METTL27: variants seen among roughly 807,000 people sequenced by gnomAD.
The protein encoded by METTL27 is methyltransferase-like protein 27.
Under a neutral mutation model 24.5 loss-of-function variants are expected in METTL27, and 29 were observed. That is an observed-to-expected ratio of 1.18 (90% CI 0.88 to 1.61). The LOEUF is 1.61. Among genes scored for constraint, METTL27 ranks in the 40% most tolerant of loss-of-function variants. The pLI is 0.00. For synonymous variants in METTL27, 138 were observed against 146.8 expected (o/e 0.94, Z 0.43); for missense variants, 341 against 324.3 (o/e 1.05, Z -0.40).
chr7:73,841,204 GA>G lies in METTL27; in HGVS notation c.124-7del. 6.4e-7 allele frequency: 1 copy of G among 1,558,078 alleles called. No homozygotes were observed. Among genetic ancestry groups the G allele is most frequent in the African/African-American group, 1.4e-5 (1 of 70,672 alleles). On this transcript the variant is annotated splice_polypyrimidine_tract_variant and splice_region_variant and intron_variant, in intron 2 of 5. Coordinates refer to ENST00000297873, the MANE Select transcript of METTL27 (RefSeq NM_152559.3). ...TACAGCAGGGTGGCCACATCCTGGG[GA>G]AAGAGTGCCGGGCCTACAACACCGG...
Position 73,834,769 on chromosome 7 carries a change from C to T in METTL27, c.712G>A (p.Gly238Arg). 1.2e-6 allele frequency: 2 copies of T among 1,614,138 alleles called. No individual in the cohort carries two copies. The highest frequency in any genetic ancestry group is 1.7e-6 in the Non-Finnish European group (2 of 1,180,022). Residue 238 changes from glycine to arginine, a missense_variant, in exon 6 of 6, where the codon GGA becomes AGA. Gly to Arg is a moderately radical substitution (Grantham distance 125). Transcript: ENST00000297873. ...CACTTCCTCAACCTGGGTCGCCTTC[C>T]ACTTTCGGTACAGGTAGACAATGCC... ...SPALSTCTES[G>R]RRPRLRK
At chr7:73,835,303 C>A (rs900444244) in intron 5 of METTL27, among the ~76,000 whole-genome samples, 1 of 144,190 alleles carries the variant, frequency 6.9e-6, no homozygotes, top group African/African-American at 2.6e-5. Context: ...GCTGCCATCT[C>A]GGCTCACTGC....
intron 1 of METTL27, 141 bp from the exon 2 acceptor site, chr7:73,842,285 G>T (rs79921838): frequency 7.3e-7 from 1 of 1,368,226 alleles, no homozygotes; most frequent in Non-Finnish European, 9.7e-7. Flanking sequence ...TCCCAGATGG[G>T]GACACTGAGC....
At chr7:73,838,846 G>A (rs1584338865) in intron 5 of METTL27, among the ~76,000 whole-genome samples, 1 of 152,194 alleles carries the variant, frequency 6.6e-6, no homozygotes, top group Admixed American at 6.5e-5. Context: ...GGGAGGGAGA[G>A]GAAGCATTTT....
chr7:73,834,654 T>G lies in METTL27; in HGVS notation c.*89A>C. ...GGGCAGGGTTGGTTCGGAGGTCCCA[T>G]TTTACAGGGGAGGCAGAGGAGGCCC... On this transcript the variant is annotated 3_prime_UTR_variant, in exon 6 of 6. Coordinates refer to ENST00000297873, the MANE Select transcript of METTL27 (RefSeq NM_152559.3). 8.0e-7 allele frequency: 1 copy of G among 1,247,416 alleles called. No individual in the cohort carries two copies. Among genetic ancestry groups the G allele is most frequent in the Non-Finnish European group, 1.1e-6 (1 of 892,786 alleles). 77.3% of individuals were successfully genotyped at this position (1,247,416 alleles called of 1,614,324 possible). A position where few individuals can be genotyped will look rare whatever the true frequency, so the allele number is the denominator to read the frequency against.
At chr7:73,837,487 A>G (rs1483682967) in intron 5 of METTL27, among the ~76,000 whole-genome samples, 12 of 150,186 alleles carry the variant, frequency 8.0e-5, no homozygotes, top group South Asian at 2.1e-4. Flanking sequence ...AAAAAAAAAA[A>G]AAAAAGAAAA....
chr7:73,836,316 G>T (rs75337245), intron 5 of METTL27, among the ~76,000 whole-genome samples: 10 of 139,448 alleles, frequency 7.2e-5, no homozygotes, highest in African/African-American at 2.6e-4. Flanking sequence ...GCCCCGTCCA[G>T]TAGGTGAGGG....
chr7:73,834,835 T>A lies in METTL27; in HGVS notation c.646A>T (p.Arg216Trp), dbSNP rs13246460. 1,151,715 of 1,613,886 alleles carry A rather than the reference T, an allele frequency of 0.71. 415,966 individuals are homozygous for A. Among genetic ancestry groups the A allele is most frequent in the Non-Finnish European group, 0.75 (888,790 of 1,180,000 alleles). Residue 216 changes from arginine to tryptophan, a missense_variant, in exon 6 of 6, where the codon AGG becomes TGG. Physicochemically the swap from Arg to Trp is moderately radical, Grantham distance 101 (BLOSUM62 -3). Transcript: ENST00000297873. ...CTTGGCAGAGATGCCGGATACCACCTCCAGCTCGGAGGTAGCCAGCTCCCA... is the reference window on the plus strand; with the variant it reads ...CTTGGCAGAGATGCCGGATACCACCACCAGCTCGGAGGTAGCCAGCTCCCA... ...TAGSWLPPSW[R>W]WYPASLPRMA...
At position 73,835,005 on chromosome 7, in the gene METTL27, G is replaced by T. The variant is rs375823114; in HGVS notation, c.479-3C>A. The T allele has an allele frequency of 1.2e-5, 19 of 1,607,124 alleles. No individual in the cohort carries two copies. Among genetic ancestry groups the T allele is most frequent in the Non-Finnish European group, 1.5e-5 (18 of 1,177,714 alleles). ...GGTGGTCAGACACACCAGCCCACCTGGGGGAGAGGGGTAGGTGAGGTGGGG... is the reference window on the plus strand; with the variant it reads ...GGTGGTCAGACACACCAGCCCACCTTGGGGAGAGGGGTAGGTGAGGTGGGG... On this transcript the variant is annotated splice_region_variant and splice_polypyrimidine_tract_variant and intron_variant, in intron 5 of 5. Coordinates refer to ENST00000297873, the MANE Select transcript of METTL27 (RefSeq NM_152559.3).
intron 4 of METTL27, 144 bp downstream of exon 4, chr7:73,840,269 GC>G: frequency 6.8e-7 from 1 of 1,464,804 alleles, no homozygotes. Flanking sequence ...GGTAAGTATG[GC>G]CCAGTTCTGG....
Position 73,834,966 on chromosome 7 carries a change from G to A in METTL27, c.515C>T (p.Ser172Phe). ...LVCLTTRTNSSNLQYKEALEA... is the reference protein window; with the variant it reads ...LVCLTTRTNSFNLQYKEALEA... ...CAGAGCCTCCTTGTATTGAAGGTTG[G>A]ACGAGTTGGTCCTGGTGGTCAGACA... Residue 172 changes from serine to phenylalanine, a missense_variant, in exon 6 of 6, where the codon TCC becomes TTC. Physicochemically the swap from Ser to Phe is radical, Grantham distance 155 (BLOSUM62 -2). Transcript: ENST00000297873. The A allele has an allele frequency of 1.2e-6, 2 of 1,613,554 alleles. No homozygotes were observed. Among genetic ancestry groups the A allele is most frequent in the Non-Finnish European group, 1.7e-6 (2 of 1,179,904 alleles).
intron 2 of METTL27, among the ~76,000 whole-genome samples, chr7:73,841,784 A>T (rs1289234666): frequency 6.6e-6 from 1 of 151,792 alleles, no homozygotes; most frequent in East Asian, 1.9e-4. Flanking sequence ...CCGGCCCCAC[A>T]GTGACTTCTC....
rs1350388652 is a variant in METTL27 at position 73,834,855 on chromosome 7, C to T, written c.626G>A (p.Ser209Asn). The stretch of plus-strand genomic sequence containing the variant: ...CCACCTCCAGCTCGGAGGTAGCCAG[C>T]TCCCAGCGGTCCACAGGCGGTCCAC... ...WPVDRLWTAG[S>N]WLPPSWRWYP... Residue 209 changes from serine to asparagine, a missense_variant, in exon 6 of 6, where the codon AGC becomes AAC. Ser to Asn is a conservative substitution (Grantham distance 46, BLOSUM62 1). Coordinates refer to ENST00000297873, the MANE Select transcript of METTL27 (RefSeq NM_152559.3). The T allele has an allele frequency of 1.2e-6, 2 of 1,613,996 alleles. No individual in the cohort carries two copies. The highest frequency in any genetic ancestry group is 1.7e-5 in the Admixed American group (1 of 60,006).
At chr7:73,841,955 C>T in intron 2 of METTL27, 63 bp downstream of exon 2, 2 of 1,612,634 alleles carry the variant, frequency 1.2e-6, no homozygotes, top group East Asian at 2.2e-5. Context: ...AGGCTGATTC[C>T]CCACTTTACA....
rs367980325 is a variant in METTL27 at position 73,834,995 on chromosome 7, C to T, written c.486G>A (p.Leu162=). 4.3e-6 allele frequency: 7 copies of T among 1,610,892 alleles called. No individual in the cohort carries two copies. Among genetic ancestry groups the T allele is most frequent in the Non-Finnish European group, 5.1e-6 (6 of 1,179,272 alleles). The part of the protein sequence containing the change: ...PELHVTKPGG[L]VCLTTRTNSS... Reference sequence around the variant, plus strand: ...AGTTGGTCCTGGTGGTCAGACACACCAGCCCACCTGGGGGAGAGGGGTAGG... The same window carrying T: ...AGTTGGTCCTGGTGGTCAGACACACTAGCCCACCTGGGGGAGAGGGGTAGG... Residue 162 remains leucine (L), a synonymous_variant, in exon 6 of 6, where the codon CTG becomes CTA. Transcript: ENST00000297873.
intron 5 of METTL27, among the ~76,000 whole-genome samples, chr7:73,837,752 G>C (rs1177501478): frequency 6.6e-6 from 1 of 152,078 alleles, no homozygotes; most frequent in East Asian, 1.9e-4. Context: ...TGTAGAGATG[G>C]GGTTTTGCCA....
At chr7:73,836,430 G>GC (rs1554635270) in intron 5 of METTL27, among the ~76,000 whole-genome samples, 2 of 144,698 alleles carry the variant, frequency 1.4e-5, no homozygotes, top group African/African-American at 5.2e-5. Context: ...CGCCCGGCCA[G>GC]CCGCCCCGTC....
intron 5 of METTL27, among the ~76,000 whole-genome samples, chr7:73,835,381 G>A (rs1035253996): frequency 1.0e-4 from 15 of 144,706 alleles, no homozygotes; most frequent in South Asian, 2.3e-4. Context: ...GCGCCGCCAC[G>A]CCTGACTGGT....
chr7:73,840,006 G>A (rs1554635974), intron 5 of METTL27, 25 bp downstream of exon 5: 1 of 1,592,538 alleles, frequency 6.3e-7, no homozygotes, highest in Non-Finnish European at 8.6e-7. Context: ...GGGGGTTGGG[G>A]GTGGTTGGCT....
Sources: allele counts gnomAD v4.1 joint callset (sites outside exome capture counted in the v4.1 genomes callset), GRCh38; gene constraint gnomAD v4.1.1; transcripts MANE v1.5; gene names NCBI Gene and HGNC (gene_info 2026-07-23, HGNC 2026-07-21).